Variants in NAT2 observed in about 807,000 individuals in gnomAD.
NAT2 encodes arylamine N-acetyltransferase 2.
For missense variants in NAT2, 428 were observed against 339.1 expected (o/e 1.26, Z -2.06); for synonymous variants, 137 against 125.9 (o/e 1.09, Z -0.59).
rs556893422 is a variant in NAT2 at position 18,400,720 on chromosome 8, C to T, written c.717C>T (p.Leu239=). The stretch of plus-strand genomic sequence containing the variant: ...TTTACTGTTTGGTGGGCTTCATCCT[C>T]ACCTATAGAAAATTCAATTATAAAG... ...EGVYCLVGFI[L]TYRKFNYKDN... is the part of the protein sequence containing the mutation. The change falls in exon 2 of 2, where the codon CTC becomes CTT. Residue 239 remains leucine (L), a synonymous_variant. Transcript: ENST00000286479. The T allele has an allele frequency of 2.5e-6, 4 of 1,613,804 alleles. No individual in the cohort carries two copies. In the South Asian group the frequency reaches 4.4e-5, roughly 18 times the overall value.
upstream of NAT2, among the ~76,000 whole-genome samples, chr8:18,388,798 T>C (rs1410176339): frequency 2.0e-5 from 3 of 152,248 alleles, no homozygotes; most frequent in Non-Finnish European, 4.4e-5. Flanking sequence ...ATCACTGTTG[T>C]TGCCCAGCCC....
At position 18,400,329 on chromosome 8, in the gene NAT2, TC is replaced by T. The variant is rs1478531962; in HGVS notation, c.328del (p.Leu110CysfsTer3). The T allele has an allele frequency of 6.2e-7, 1 of 1,613,680 alleles. No homozygotes were observed. Among genetic ancestry groups the T allele is most frequent in the Admixed American group, 1.7e-5 (1 of 59,950 alleles). On this transcript the variant is annotated frameshift_variant, in exon 2 of 2. Transcript: ENST00000286479. LOFTEE classifies it low-confidence loss of function (END_TRUNC). Reference protein sequence around the residue: ...NKYSTGMVHLLLQVTIDGRNY... With the variant: ...NKYSTGMVHLXLQVTIDGRNY... ...TACAGCACTGGCATGGTTCACCTTC[TC>T]CTGCAGGTGACCATTGACGGCAGGA...
At chr8:18,391,476 A>G (rs987454499) in intron 1 of NAT2, 131 bp downstream of exon 1, 1 of 151,976 alleles carries the variant, frequency 6.6e-6, no homozygotes, top group African/African-American at 2.4e-5. Context: ...AACCTGGAAA[A>G]CTAAATTCCA....
In NAT2 at chr8:18,400,829, G is replaced by A; in HGVS notation, c.826G>A (p.Gly276Arg). 2 of 1,607,946 alleles carry A rather than the reference G, an allele frequency of 1.2e-6. No homozygotes were observed. Among genetic ancestry groups the A allele is most frequent in the Non-Finnish European group, 1.7e-6 (2 of 1,178,296 alleles). Residue 276 changes from glycine to arginine, a missense_variant, in exon 2 of 2, where the codon GGG becomes AGG. Gly to Arg is a moderately radical substitution (Grantham distance 125, BLOSUM62 -2). Transcript: ENST00000286479. ...GAGAAATATATTTAAGATTTCCTTGGGGAGAAATCTCGTGCCCAAACCTGG... is the reference window on the plus strand; with the variant it reads ...GAGAAATATATTTAAGATTTCCTTGAGGAGAAATCTCGTGCCCAAACCTGG... ...VLRNIFKISL[G>R]RNLVPKPGDG...
intron 1 of NAT2, among the ~76,000 whole-genome samples, chr8:18,394,108 T>C (rs554603561): frequency 8.7e-4 from 132 of 151,686 alleles, no homozygotes; most frequent in Non-Finnish European, 1.4e-3. Context: ...AAAAGTACAG[T>C]CAAAGGGGGG....
At chr8:18,388,503 G>A (rs192268879), upstream of NAT2, among the ~76,000 whole-genome samples, 31 of 2,446 alleles carry the variant, frequency 0.013, no homozygotes, top group Non-Finnish European at 0.026. Context: ...TAGATAATAA[G>A]CAAAAAAAAA....
At chr8:18,390,777 T>C (rs1274468880), upstream of NAT2, among the ~76,000 whole-genome samples, 4 of 152,086 alleles carry the variant, frequency 2.6e-5, no homozygotes, top group Admixed American at 6.5e-5. Context: ...ACCACATGCA[T>C]AGAGTTATTT....
At chr8:18,398,601 C>G (rs1028331968) in intron 1 of NAT2, among the ~76,000 whole-genome samples, 1 of 152,162 alleles carries the variant, frequency 6.6e-6, no homozygotes, top group African/African-American at 2.4e-5. Context: ...TATTTAAAGT[C>G]TTCGACGAAA....
At chr8:18,394,545 A>G (rs1052941743) in intron 1 of NAT2, among the ~76,000 whole-genome samples, 3 of 152,178 alleles carry the variant, frequency 2.0e-5, no homozygotes, top group African/African-American at 4.8e-5. Context: ...CCAAGGATTT[A>G]TCTGTTTCTA....
At chr8:18,387,869 A>G (rs1391449441), upstream of NAT2, 2 of 152,504 alleles carry the variant, frequency 1.3e-5, no homozygotes, top group Non-Finnish European at 2.9e-5. Context: ...CTGGGACGTG[A>G]CTTTCGAAAG....
upstream of NAT2, among the ~76,000 whole-genome samples, chr8:18,391,009 T>C (rs559842481): frequency 2.0e-5 from 3 of 152,228 alleles, no homozygotes; most frequent in African/African-American, 7.2e-5. Flanking sequence ...ATATCACACA[T>C]GGGAAGTCTG....
intron 1 of NAT2, among the ~76,000 whole-genome samples, chr8:18,395,168 T>A (rs1414092776): frequency 6.6e-6 from 1 of 151,678 alleles, no homozygotes; most frequent in Non-Finnish European, 1.5e-5. Flanking sequence ...GTCCTGGGAG[T>A]TTTTTTTCTC....
chr8:18,391,979 T>C (rs1300100541), intron 1 of NAT2, among the ~76,000 whole-genome samples: 2 of 152,314 alleles, frequency 1.3e-5, no homozygotes, highest in South Asian at 2.1e-4. Flanking sequence ...CTTCAACAAA[T>C]TGCCAATCAC....
chr8:18,397,974 G>C (rs886853664), intron 1 of NAT2, among the ~76,000 whole-genome samples: 7 of 152,006 alleles, frequency 4.6e-5, no homozygotes, highest in African/African-American at 7.3e-5. Flanking sequence ...ACTTAATTCT[G>C]TGCTGTTGGC....
chr8:18,399,608 C>T lies in NAT2; in HGVS notation c.-6-390C>T, dbSNP rs540996051. 4.3e-4 allele frequency among the ~76,000 whole-genome samples: 65 copies of T among 152,302 alleles called. 1 individual carries two copies. Among genetic ancestry groups the T allele is most frequent in the African/African-American group, 1.6e-3 (65 of 41,574 alleles). On this transcript the variant is annotated intron_variant, in intron 1 of 1. Coordinates refer to ENST00000286479, the MANE Select transcript of NAT2 (RefSeq NM_000015.3). ...TGTACCATGAATACCATATACTCTA[C>T]TGTATAATTCTCCTGCTTATATCAG...
In NAT2 at chr8:18,400,361, A is replaced by G. The variant is rs1405169350; in HGVS notation, c.358A>G (p.Ile120Val). The change falls in exon 2 of 2, where the codon ATT (isoleucine) becomes GTT (valine). Residue 120 changes from isoleucine to valine, a missense_variant. Ile to Val is a conservative substitution (Grantham distance 29). Coordinates refer to ENST00000286479, the MANE Select transcript of NAT2 (RefSeq NM_000015.3). ...GGTGACCATTGACGGCAGGAATTAC[A>G]TTGTCGATGCTGGGTCTGGAAGCTC... Reference protein sequence around the residue: ...LQVTIDGRNYIVDAGSGSSSQ... With the variant: ...LQVTIDGRNYVVDAGSGSSSQ... 2 of 1,612,614 alleles carry G rather than the reference A, an allele frequency of 1.2e-6. No homozygotes were observed. Among genetic ancestry groups the G allele is most frequent in the African/African-American group, 2.7e-5 (2 of 74,768 alleles).
At position 18,400,540 on chromosome 8, in the gene NAT2, TCTC is replaced by T. The variant is rs1800772742; in HGVS notation, c.540_542del (p.Leu181del). On this transcript the variant is annotated inframe_deletion, in exon 2 of 2. Coordinates refer to ENST00000286479, the MANE Select transcript of NAT2 (RefSeq NM_000015.3). Reference sequence around the variant, plus strand: ...CAAACAAAGAATTTCTTAATTCTCATCTCCTGCCAAAGAAGAAACACCAAAAAA... The same window carrying T: ...CAAACAAAGAATTTCTTAATTCTCATCTGCCAAAGAAGAAACACCAAAAAA... 6.2e-7 allele frequency: 1 copy of T among 1,612,566 alleles called. No homozygotes were observed. Among genetic ancestry groups the T allele is most frequent in the Non-Finnish European group, 8.5e-7 (1 of 1,179,632 alleles).
intron 1 of NAT2, among the ~76,000 whole-genome samples, chr8:18,397,457 C>T (rs945233434): frequency 2.6e-5 from 4 of 151,990 alleles, no homozygotes; most frequent in African/African-American, 7.2e-5. Context: ...AGTAAGATGA[C>T]TGGTAATCTA....
chr8:18,386,397 C>G (rs1187975765), upstream of NAT2, among the ~76,000 whole-genome samples: 1 of 152,186 alleles, frequency 6.6e-6, no homozygotes, highest in Non-Finnish European at 1.5e-5. Flanking sequence ...AAAGGTACAG[C>G]TCCCTTCCAC....
Sources: allele counts gnomAD v4.1 joint callset (sites outside exome capture counted in the v4.1 genomes callset), GRCh38; gene constraint gnomAD v4.1.1; transcripts MANE v1.5; gene names NCBI Gene and HGNC (gene_info 2026-07-23, HGNC 2026-07-21).